MSH6: variants seen among roughly 807,000 people sequenced by gnomAD.
The protein encoded by MSH6 is mutS homolog 6.
Under a neutral mutation model 119.1 loss-of-function variants are expected in MSH6, and 85 were observed. The ratio of observed to expected loss-of-function variants is 0.71; its 90% confidence interval spans 0.60 to 0.85. The LOEUF is 0.85. MSH6 is among the 40% of genes least tolerant of loss of function. The pLI, the probability that MSH6 is intolerant of heterozygous loss-of-function variation, is 0.00. For missense variants in MSH6, 2,163 were observed against 1,655.3 expected, an observed-to-expected ratio of 1.31 and a Z score of -5.32; for synonymous variants, 830 against 586.9, an observed-to-expected ratio of 1.41 and a Z score of -5.99.
intron 1 of MSH6, chr2:47,784,876 G>C (rs1339362034): frequency 2.6e-5 from 4 of 152,218 alleles, no homozygotes; most frequent in South Asian, 2.1e-4. Flanking sequence ...GTCCAGGCTA[G>C]AGTGCAGTGG....
chr2:47,789,049 C>T (rs531626966), intron 1 of MSH6, among the ~76,000 whole-genome samples: 1 of 149,356 alleles, frequency 6.7e-6, no homozygotes, highest in African/African-American at 2.5e-5. Context: ...CTTCAGGCTC[C>T]CAAGTAGCTG....
intron 2 of MSH6, 125 bp from the exon 3 acceptor site, chr2:47,795,769 C>CAT (rs1669042038): frequency 8.5e-6 from 7 of 828,200 alleles, no homozygotes; most frequent in Middle Eastern, 3.2e-4. Context: ...CCACACCTGG[C>CAT]ATATATATAT....
chr2:47,805,061 CAGTCATTT>C, intron 6 of MSH6, 34 bp downstream of exon 6: 1 of 1,377,372 alleles, frequency 7.3e-7, no homozygotes, highest in Non-Finnish European at 1.0e-6. Context: ...AGTTCTCATT[CAGTCATTT>C]AGATGTGATA....
Position 47,798,890 on chromosome 2 carries a change from A to T in MSH6, c.907A>T (p.Met303Leu), listed in dbSNP as rs977576724. ...CAAAGTTGCTCGAAAGCGGAAGAGA[A>T]TGGTGACTGGAAATGGCTCTCTTAA... is the stretch of plus-strand genomic sequence containing the variant. The part of the protein sequence containing the change: ...PVKVARKRKR[M>L]VTGNGSLKRK... The change falls in exon 4 of 10, where the codon ATG becomes TTG. Residue 303 changes from methionine to leucine, a missense_variant. Physicochemically the swap from Met to Leu is conservative, Grantham distance 15 (BLOSUM62 2). Coordinates refer to ENST00000234420, the MANE Select transcript of MSH6 (RefSeq NM_000179.3). The T allele has an allele frequency of 3.1e-6, 5 of 1,614,218 alleles. No individual in the cohort carries two copies. Among genetic ancestry groups the T allele is most frequent in the Non-Finnish European group, 4.2e-6 (5 of 1,180,038 alleles).
chr2:47,797,163 G>T (rs1208696870), intron 3 of MSH6, among the ~76,000 whole-genome samples: 1 of 152,142 alleles, frequency 6.6e-6, no homozygotes, highest in Admixed American at 6.6e-5. Context: ...TATTTTATGT[G>T]TGGCCTAAGA....
chr2:47,801,278 T>A, intron 4 of MSH6, 123 bp downstream of exon 4: 1 of 1,048,052 alleles, frequency 9.5e-7, no homozygotes, highest in Non-Finnish European at 1.4e-6. Flanking sequence ...CATATACATA[T>A]TTGCATCCTG....
intron 1 of MSH6, among the ~76,000 whole-genome samples, chr2:47,787,164 C>G (rs915679876): frequency 1.3e-5 from 2 of 152,008 alleles, no homozygotes; most frequent in Non-Finnish European, 2.9e-5. Context: ...TGGCGTGTGC[C>G]TGTAGTCCCA....
chr2:47,801,238 T>G, intron 4 of MSH6, 83 bp downstream of exon 4: 1 of 1,408,012 alleles, frequency 7.1e-7, no homozygotes, highest in Non-Finnish European at 9.9e-7. Flanking sequence ...AAATAAGTAA[T>G]AAGGTATATA....
At position 47,788,906 on chromosome 2, in the gene MSH6, CCTTTTTTTTTTTTTTGTTTTTT is replaced by C. The variant is rs1175489513; in HGVS notation, c.261-2020_261-1999del. On this transcript the variant is annotated intron_variant, in intron 1 of 9. Transcript: ENST00000234420. ...GCTATTTCTTTCTTTCTTTCTTCTT[CCTTTTTTTTTTTTTTGTTTTTT>C]TTTTTTTTTTTTTTTTTTTGTGAGA... is the stretch of plus-strand genomic sequence containing the variant. 1.2e-3 allele frequency among the ~76,000 whole-genome samples: 19 copies of C among 15,834 alleles called. No individual in the cohort carries two copies. The East Asian group carries it at 0.014, about 12-fold the overall frequency. 10.4% of individuals were successfully genotyped at this position (15,834 alleles called of 152,430 possible).
chr2:47,783,773 C>G, intron 1 of MSH6: 2 of 442,456 alleles, frequency 4.5e-6, no homozygotes, highest in East Asian at 5.6e-5. Flanking sequence ...AGACGCGTCC[C>G]GCCAGGTGGG....
In MSH6 at chr2:47,804,982, G is replaced by C. The variant is rs1669874241; in HGVS notation, c.3511G>C (p.Asp1171His). The C allele has an allele frequency of 6.2e-7, 1 of 1,614,094 alleles. No homozygotes were observed. Among genetic ancestry groups the C allele is most frequent in the Non-Finnish European group, 8.5e-7 (1 of 1,179,998 alleles). ...PAEVCRLTPI[D>H]RVFTRLGASD... ...TGAAGTGTGCAGGCTCACACCAATT[G>C]ATAGAGTGTTTACTAGACTTGGTGC... is the stretch of plus-strand genomic sequence containing the variant. Residue 1171 changes from aspartate to histidine, a missense_variant, in exon 6 of 10, where the codon GAT becomes CAT. Asp to His is a moderately conservative substitution (Grantham distance 81, BLOSUM62 -1). Transcript: ENST00000234420.
intron 1 of MSH6, among the ~76,000 whole-genome samples, chr2:47,789,937 G>A (rs1008243463): frequency 2.6e-5 from 4 of 151,610 alleles, no homozygotes; most frequent in African/African-American, 4.9e-5. Flanking sequence ...GTCCTGCCTC[G>A]GCCTCCCCAA....
At chr2:47,808,493 T>G, downstream of MSH6, 1 of 1,145,348 alleles carries the variant, frequency 8.7e-7, no homozygotes, top group Non-Finnish European at 1.2e-6. Flanking sequence ...TCCATTCTGT[T>G]TATATATTAC....
intron 1 of MSH6, 160 bp downstream of exon 1, chr2:47,783,653 G>T: frequency 1.4e-6 from 1 of 690,904 alleles, no homozygotes; most frequent in Non-Finnish European, 2.2e-6. Flanking sequence ...TGCAGGGGTC[G>T]AGTCTGGAGC....
chr2:47,803,385 C>G (rs186475107), intron 4 of MSH6, 35 bp from the exon 5 acceptor site: 22 of 1,613,890 alleles, frequency 1.4e-5, no homozygotes, highest in Non-Finnish European at 1.9e-5. Flanking sequence ...AACCCCCAAA[C>G]GATGAAGCCT....
intron 5 of MSH6, 58 bp from the exon 6 acceptor site, chr2:47,804,852 A>G: frequency 7.4e-7 from 1 of 1,347,230 alleles, no homozygotes. Context: ...AAGAAAGACA[A>G]AAGTTTATGA....
Position 47,783,486 on chromosome 2 carries a change from C to T in MSH6, c.253C>T (p.Pro85Ser), listed in dbSNP as rs779664343. The T allele has an allele frequency of 1.4e-6, 2 of 1,430,472 alleles. No individual in the cohort carries two copies. The highest frequency in any genetic ancestry group is 3.0e-5 in the Admixed American group (1 of 32,792). The allele number at this position is 1,430,472 out of a possible 1,614,324, so 88.6% of individuals were successfully genotyped here. Residue 85 changes from proline (P) to serine (S), a missense_variant, in exon 1 of 10, where the codon CCC becomes TCC. Coordinates refer to ENST00000234420, the MANE Select transcript of MSH6 (RefSeq NM_000179.3). ...GLRRSVAPAA[P>S]TSCDFSPGDL... Reference sequence around the variant, plus strand: ...GCGGAGATCGGTAGCGCCTGCTGCCCCCACCAGGTAGCGGGGTGGGGGTGG... The same window carrying T: ...GCGGAGATCGGTAGCGCCTGCTGCCTCCACCAGGTAGCGGGGTGGGGGTGG...
chr2:47,797,013 T>G (rs1026802175), intron 3 of MSH6, among the ~76,000 whole-genome samples: 2 of 152,068 alleles, frequency 1.3e-5, no homozygotes, highest in Admixed American at 6.6e-5. Context: ...TGAAAAAAAT[T>G]GATTAATTTA....
Position 47,806,381 on chromosome 2 carries a change from C to T in MSH6, c.3801+23C>T, listed in dbSNP as rs2104548117. The T allele has an allele frequency of 1.2e-6, 2 of 1,613,604 alleles. No individual in the cohort carries two copies. The highest frequency in any genetic ancestry group is 1.7e-6 in the Non-Finnish European group (2 of 1,179,790). On this transcript the variant is annotated intron_variant, in intron 8 of 9. Transcript: ENST00000234420. ...ATGGTATGTGCAAATTGTTTTTTTC[C>T]ACAAATTCGGTTTTTTGAGAGGGCA...
Sources: gnomAD v4.1 joint callset for allele counts (sites outside exome capture counted in the v4.1 genomes callset) on GRCh38, gnomAD v4.1.1 for gene constraint, MANE v1.5 for transcripts, NCBI Gene and HGNC (gene_info 2026-07-23, HGNC 2026-07-21) for gene names.